Variants in L3MBTL4 observed in about 807,000 individuals in gnomAD.
L3MBTL4 encodes lethal(3)malignant brain tumor-like protein 4.
Under a neutral mutation model 84.5 loss-of-function variants are expected in L3MBTL4, and 70 were observed. That is an observed-to-expected ratio of 0.83 (90% confidence interval 0.68 to 1.01). L3MBTL4 has a LOEUF of 1.01. Ranked by LOEUF, L3MBTL4 falls within the 50% of genes least tolerant of loss-of-function variation. The pLI, the probability that L3MBTL4 is intolerant of heterozygous loss-of-function variation, is 0.00. For missense variants in L3MBTL4, 715 were observed against 754.8 expected, an observed-to-expected ratio of 0.95 and a Z score of 0.62; for synonymous variants, 274 against 259.8, an observed-to-expected ratio of 1.05 and a Z score of -0.52.
chr18:6,114,419 T>C (rs2059294915), intron 14 of L3MBTL4, among the ~76,000 whole-genome samples: 1 of 152,246 alleles, frequency 6.6e-6, no homozygotes, highest in Non-Finnish European at 1.5e-5. Flanking sequence ...GTGCTTCTTT[T>C]AAAATACTCA....
chr18:6,173,623 T>C (rs1420513072), intron 12 of L3MBTL4, among the ~76,000 whole-genome samples: 2 of 151,794 alleles, frequency 1.3e-5, no homozygotes, highest in East Asian at 3.9e-4. Context: ...CTACAAAAAA[T>C]ACAAAAACTA....
chr18:6,071,175 G>A (rs1197180310), intron 16 of L3MBTL4, among the ~76,000 whole-genome samples: 2 of 151,956 alleles, frequency 1.3e-5, no homozygotes, highest in Non-Finnish European at 2.9e-5. Context: ...GAGATCACTT[G>A]AGGCTAGGAG....
At chr18:6,358,230 G>A (rs568123737) in intron 1 of L3MBTL4, among the ~76,000 whole-genome samples, 7 of 152,132 alleles carry the variant, frequency 4.6e-5, no homozygotes, top group Admixed American at 1.3e-4. Context: ...TAAGAGTGCC[G>A]ATTAAATAAA....
At chr18:6,151,850 T>C (rs757539136) in intron 13 of L3MBTL4, among the ~76,000 whole-genome samples, 3 of 152,250 alleles carry the variant, frequency 2.0e-5, no homozygotes, top group Non-Finnish European at 4.4e-5. Flanking sequence ...GTTCATTTTG[T>C]AACTGCAAGT....
rs573082277 is a variant in L3MBTL4 at position 6,266,657 on chromosome 18, G to T, written c.128-2619C>A. Among the ~76,000 whole-genome samples the T allele has an allele frequency of 7.2e-5, 11 of 152,344 alleles. No individual in the cohort carries two copies. The East Asian group carries it at 2.1e-3, about 29-fold the overall frequency. ...AAAAAATTTCTGGCCAGGTGCAGTG[G>T]CTTACACCTGTAATCCCAGCACTTG... On this transcript the variant is annotated intron_variant, in intron 4 of 18. Transcript: ENST00000317931.
At chr18:6,113,556 A>G (rs1394533895) in intron 14 of L3MBTL4, among the ~76,000 whole-genome samples, 1 of 152,002 alleles carries the variant, frequency 6.6e-6, no homozygotes, top group Non-Finnish European at 1.5e-5. Flanking sequence ...AAGATTACAT[A>G]GAATGATGTG....
At chr18:6,055,279 C>G (rs1478500480) in intron 16 of L3MBTL4, among the ~76,000 whole-genome samples, 1 of 152,178 alleles carries the variant, frequency 6.6e-6, no homozygotes, top group Non-Finnish European at 1.5e-5. Context: ...CATTCATTCT[C>G]TGATTAATTT....
At chr18:6,285,979 G>A (rs910096087) in intron 4 of L3MBTL4, among the ~76,000 whole-genome samples, 7 of 151,368 alleles carry the variant, frequency 4.6e-5, no homozygotes, top group East Asian at 2.0e-4. Context: ...TCACAGGTGC[G>A]TGCCACCACG....
In L3MBTL4 at chr18:6,150,088, T is replaced by C. The variant is rs201900929; in HGVS notation, c.1097-11792A>G. ...TTGAACTGTTTTTCCTCTCTTTTAC[T>C]AAAAGAGAAATTTAGTACATCTAGT... On this transcript the variant is annotated intron_variant, in intron 13 of 18. Coordinates refer to ENST00000317931, the MANE Select transcript of L3MBTL4 (RefSeq NM_001330559.2). Among the ~76,000 whole-genome samples, 12 of 152,278 alleles carry C rather than the reference T, an allele frequency of 7.9e-5. No individual in the cohort carries two copies. In the East Asian group the frequency reaches 2.3e-3, roughly 29 times the overall value.
At chr18:6,179,425 G>T (rs1028592748) in intron 12 of L3MBTL4, among the ~76,000 whole-genome samples, 1 of 152,156 alleles carries the variant, frequency 6.6e-6, no homozygotes, top group Non-Finnish European at 1.5e-5. Context: ...CATAACTATT[G>T]GTGCTAATAA....
intron 1 of L3MBTL4, among the ~76,000 whole-genome samples, chr18:6,399,208 G>C (rs1393392260): frequency 6.6e-6 from 1 of 152,204 alleles, no homozygotes; most frequent in Non-Finnish European, 1.5e-5. Flanking sequence ...GGAAGGCCGA[G>C]GAGGGGAGAT....
intron 17 of L3MBTL4, among the ~76,000 whole-genome samples, chr18:5,965,491 C>T (rs2052306190): frequency 6.6e-6 from 1 of 152,188 alleles, no homozygotes; most frequent in African/African-American, 2.4e-5. Flanking sequence ...CCAGTGCTGA[C>T]AAAGCGCAAA....
chr18:6,134,434 TCCA>T (rs2059969765), intron 14 of L3MBTL4, among the ~76,000 whole-genome samples: 1 of 152,048 alleles, frequency 6.6e-6, no homozygotes, highest in African/African-American at 2.4e-5. Context: ...AACCCAAAAG[TCCA>T]CAGTCCAAAG....
At chr18:6,094,520 C>T (rs894075471) in intron 14 of L3MBTL4, among the ~76,000 whole-genome samples, 1 of 152,094 alleles carries the variant, frequency 6.6e-6, no homozygotes, top group Non-Finnish European at 1.5e-5. Flanking sequence ...GTGTTATCAC[C>T]GGCTACACCT....
intron 12 of L3MBTL4, among the ~76,000 whole-genome samples, chr18:6,205,811 G>C (rs1433904039): frequency 6.6e-6 from 1 of 152,196 alleles, no homozygotes; most frequent in Non-Finnish European, 1.5e-5. Flanking sequence ...AGCAGGATGT[G>C]AGCAAAAGAG....
chr18:6,211,891 C>T (rs955086653), intron 12 of L3MBTL4, among the ~76,000 whole-genome samples: 9 of 152,286 alleles, frequency 5.9e-5, no homozygotes, highest in East Asian at 5.8e-4. Context: ...TCAGGTGATA[C>T]GCCCGCCTCA....
chr18:6,198,399 C>T (rs1334850153), intron 12 of L3MBTL4, among the ~76,000 whole-genome samples: 1 of 152,182 alleles, frequency 6.6e-6, no homozygotes, highest in Non-Finnish European at 1.5e-5. Context: ...TCTCAATATA[C>T]TTCATTTATC....
intron 4 of L3MBTL4, among the ~76,000 whole-genome samples, chr18:6,289,668 CTG>C (rs1474456335): frequency 6.6e-6 from 1 of 152,122 alleles, no homozygotes; most frequent in African/African-American, 2.4e-5. Flanking sequence ...TTGAGAAGGA[CTG>C]GGATGACAAC....
At chr18:5,973,990 G>A (rs1232739186) in intron 16 of L3MBTL4, among the ~76,000 whole-genome samples, 1 of 152,156 alleles carries the variant, frequency 6.6e-6, no homozygotes, top group African/African-American at 2.4e-5. Context: ...AAATGTATAT[G>A]TAATACTGCC....
Sources: gnomAD v4.1 joint callset for allele counts (sites outside exome capture counted in the v4.1 genomes callset) on GRCh38, gnomAD v4.1.1 for gene constraint, MANE v1.5 for transcripts, NCBI Gene and HGNC (gene_info 2026-07-23, HGNC 2026-07-21) for gene names.